The following VAPB variants were observed in gnomAD, a reference collection of about 807,000 sequenced individuals.
VAPB encodes vesicle-associated membrane protein-associated protein B/C.
Under a neutral mutation model 25.6 loss-of-function variants are expected in VAPB, and 7 were observed. The ratio of observed to expected loss-of-function variants is 0.27; its 90% CI spans 0.16 to 0.51. VAPB has a LOEUF of 0.51. Ranked by LOEUF, VAPB falls within the 20% of genes least tolerant of loss-of-function variation. The pLI is 0.97. For synonymous variants in VAPB, 112 were observed against 109.2 expected, an observed-to-expected ratio of 1.03 and a Z score of -0.16; for missense variants, 266 against 301.3, an observed-to-expected ratio of 0.88 and a Z score of 0.87.
At position 58,445,488 on chromosome 20, in the gene VAPB, C is replaced by G. The variant is rs1177861127; in HGVS notation, c.*1253C>G. The G allele has an allele frequency of 6.6e-6, 3 of 454,224 alleles. No individual in the cohort carries two copies. The highest frequency in any genetic ancestry group is 1.3e-5 in the Non-Finnish European group (3 of 226,746). 28.1% of individuals were successfully genotyped at this position (454,224 alleles called of 1,614,324 possible). On this transcript the variant is annotated 3_prime_UTR_variant, in exon 6 of 6. Coordinates refer to ENST00000475243, the MANE Select transcript of VAPB (RefSeq NM_004738.5). ...TAATTTTATGCCATAAAAGACCAAC[C>G]CAGTTCTGTTTGACTATGTAGCATC...
chr20:58,414,429 G>C (rs1472196471), intron 1 of VAPB, among the ~76,000 whole-genome samples: 1 of 151,298 alleles, frequency 6.6e-6, no homozygotes, highest in African/African-American at 2.4e-5. Context: ...CCCCTCAGAC[G>C]GGGCAGCCGC....
In VAPB at chr20:58,448,401, A is replaced by G. The variant is rs1009644462; in HGVS notation, c.*4166A>G. ...TTTCAAGAAAGTTACTGTTGTTTCA[A>G]TGCCACTCCTTACCTGTATAGAACA... On this transcript the variant is annotated 3_prime_UTR_variant, in exon 6 of 6. Coordinates refer to ENST00000475243, the MANE Select transcript of VAPB (RefSeq NM_004738.5). 4 of 453,976 alleles carry G rather than the reference A, an allele frequency of 8.8e-6. No homozygotes were observed. Among genetic ancestry groups the G allele is most frequent in the Admixed American group, 7.0e-5 (3 of 42,554 alleles). 28.1% of individuals were successfully genotyped at this position (453,976 alleles called of 1,614,324 possible).
chr20:58,404,675 G>A, intron 1 of VAPB, among the ~76,000 whole-genome samples: 1 of 152,212 alleles, frequency 6.6e-6, no homozygotes. Context: ...ATTAACACAT[G>A]TAAAGTGCTT....
chr20:58,426,363 A>G (rs1478845148), intron 2 of VAPB, among the ~76,000 whole-genome samples: 2 of 152,170 alleles, frequency 1.3e-5, no homozygotes, highest in African/African-American at 4.8e-5. Context: ...ATGCCTGGCT[A>G]TTCCTTACAG....
intron 2 of VAPB, among the ~76,000 whole-genome samples, chr20:58,423,443 A>AAAAAAC (rs1988716525): frequency 6.9e-6 from 1 of 145,782 alleles, no homozygotes; most frequent in Non-Finnish European, 1.5e-5. Context: ...AAAAAAAAAA[A>AAAAAAC]AAAAAAGAAA....
At chr20:58,400,602 T>C (rs1988073214) in intron 1 of VAPB, among the ~76,000 whole-genome samples, 1 of 152,226 alleles carries the variant, frequency 6.6e-6, no homozygotes, top group African/African-American at 2.4e-5. Context: ...GAATGTAAGC[T>C]CCTATAGGTT....
chr20:58,437,755 T>A (rs559180798), intron 3 of VAPB, among the ~76,000 whole-genome samples: 13 of 152,224 alleles, frequency 8.5e-5, no homozygotes, highest in Non-Finnish European at 1.8e-4. Flanking sequence ...TCTAACTGAG[T>A]GCTCTTCAGC....
chr20:58,448,172 A>G lies in VAPB; in HGVS notation c.*3937A>G. 1 of 454,026 alleles carries G rather than the reference A, an allele frequency of 2.2e-6. No homozygotes were observed. The highest frequency in any genetic ancestry group is 1.6e-5 in the South Asian group (1 of 64,468). 28.1% of individuals were successfully genotyped at this position (454,026 alleles called of 1,614,324 possible). The stretch of plus-strand genomic sequence containing the variant: ...AGCTGGAATGGAATTGTATTTAGAA[A>G]GGCCCCTGCAAAGTATATAGATGGA... On this transcript the variant is annotated 3_prime_UTR_variant, in exon 6 of 6. Coordinates refer to ENST00000475243, the MANE Select transcript of VAPB (RefSeq NM_004738.5).
chr20:58,437,098 A>G (rs919961775), intron 3 of VAPB, among the ~76,000 whole-genome samples: 16 of 140,634 alleles, frequency 1.1e-4, no homozygotes, highest in African/African-American at 3.5e-4. Context: ...CTGTTCGAGT[A>G]ACTAAAACTA....
At chr20:58,416,763 T>C (rs1988549149) in intron 1 of VAPB, among the ~76,000 whole-genome samples, 1 of 150,208 alleles carries the variant, frequency 6.7e-6, no homozygotes, top group African/African-American at 2.4e-5. Context: ...TCAGATTGAT[T>C]TTTTTTTTTT....
At chr20:58,416,000 G>T (rs1027490602) in intron 1 of VAPB, among the ~76,000 whole-genome samples, 1 of 152,062 alleles carries the variant, frequency 6.6e-6, no homozygotes, top group Non-Finnish European at 1.5e-5. Context: ...TTTACCCACG[G>T]GACTTTGTTA....
chr20:58,394,759 C>A (rs1987905419), intron 1 of VAPB, among the ~76,000 whole-genome samples: 1 of 152,154 alleles, frequency 6.6e-6, no homozygotes, highest in African/African-American at 2.4e-5. Flanking sequence ...ATGTATAGTT[C>A]TTGACCATGT....
intron 1 of VAPB, among the ~76,000 whole-genome samples, chr20:58,414,360 C>A (rs1350457646): frequency 3.3e-5 from 5 of 150,684 alleles, no homozygotes; most frequent in African/African-American, 9.7e-5. Flanking sequence ...GGGCGGCCGC[C>A]GGGCGGAGAC....
At chr20:58,414,761 G>C (rs1174068087) in intron 1 of VAPB, among the ~76,000 whole-genome samples, 3 of 151,942 alleles carry the variant, frequency 2.0e-5, no homozygotes, top group Admixed American at 1.3e-4. Context: ...AGGCAGAGGG[G>C]CTCCCCACAT....
At chr20:58,441,417 C>A (rs564904357) in intron 5 of VAPB, among the ~76,000 whole-genome samples, 1 of 152,132 alleles carries the variant, frequency 6.6e-6, no homozygotes, top group Admixed American at 6.5e-5. Context: ...CAAGGCGGGC[C>A]GATCACAAGG....
In VAPB at chr20:58,449,567, G is replaced by A. The variant is rs772800575; in HGVS notation, c.*5332G>A. ...ACTTGCCATAAATATTTGCAGTTAT[G>A]ATACCTTGGAATGTTGCCACGATAT... On this transcript the variant is annotated 3_prime_UTR_variant, in exon 6 of 6. Transcript: ENST00000475243. 6.6e-6 allele frequency: 3 copies of A among 454,084 alleles called. No individual in the cohort carries two copies. The allele number at this position is 454,084 out of a possible 1,614,324, so 28.1% of individuals were successfully genotyped here.
chr20:58,413,339 T>C (rs1235278869), intron 1 of VAPB, among the ~76,000 whole-genome samples: 3 of 151,862 alleles, frequency 2.0e-5, no homozygotes, highest in Non-Finnish European at 4.4e-5. Context: ...GATTAGGGAC[T>C]GGTGATGACT....
intron 5 of VAPB, among the ~76,000 whole-genome samples, chr20:58,443,650 C>G (rs1416035799): frequency 2.0e-5 from 3 of 151,672 alleles, no homozygotes; most frequent in African/African-American, 7.3e-5. Flanking sequence ...TTTTAAAAAT[C>G]GATGATTTGA....
At position 58,450,496 on chromosome 20, in the gene VAPB, G is replaced by C; in HGVS notation, c.*6261G>C. 1 of 453,598 alleles carries C rather than the reference G, an allele frequency of 2.2e-6. No individual in the cohort carries two copies. Among genetic ancestry groups the C allele is most frequent in the South Asian group, 1.6e-5 (1 of 64,460 alleles). The allele number at this position is 453,598 out of a possible 1,614,324, so 28.1% of individuals were successfully genotyped here. A position where few individuals can be genotyped will look rare whatever the true frequency, so the allele number is the denominator to read the frequency against. On this transcript the variant is annotated 3_prime_UTR_variant, in exon 6 of 6. Transcript: ENST00000475243. ...AATATATTTGGTTCTCATTTCTGTT[G>C]CTGTCGTTTCCTTTTTAAAGACGAT...
Sources: allele counts gnomAD v4.1 joint callset (sites outside exome capture counted in the v4.1 genomes callset), GRCh38; gene constraint gnomAD v4.1.1; transcripts MANE v1.5; gene names NCBI Gene and HGNC (gene_info 2026-07-23, HGNC 2026-07-21).